The following TCEANC2 variants were observed in gnomAD, a reference collection of about 807,000 sequenced individuals.
TCEANC2 encodes the protein transcription elongation factor A N-terminal and central domain containing 2, also known as transcription elongation factor A N-terminal and central domain-containing protein 2.
Under a neutral mutation model 22.8 loss-of-function variants are expected in TCEANC2, and 20 were observed. The ratio of observed to expected loss-of-function variants is 0.88; its 90% CI spans 0.62 to 1.28. TCEANC2 has a LOEUF of 1.28. TCEANC2 is among the 50% of genes most tolerant of loss of function. TCEANC2 has a pLI of 0.00. For missense variants in TCEANC2, 251 were observed against 249.7 expected (o/e 1.01, Z -0.03); for synonymous variants, 84 against 95.5 (o/e 0.88, Z 0.70).
At chr1:54,095,609 G>C (rs1316632351) in intron 4 of TCEANC2, among the ~76,000 whole-genome samples, 2 of 152,180 alleles carry the variant, frequency 1.3e-5, no homozygotes, top group Admixed American at 1.3e-4. Flanking sequence ...CCCTTCCCTA[G>C]ACCTGCTCTG....
At chr1:54,065,171 A>G (rs555653614) in intron 2 of TCEANC2, among the ~76,000 whole-genome samples, 4 of 152,300 alleles carry the variant, frequency 2.6e-5, no homozygotes, top group African/African-American at 4.8e-5. Flanking sequence ...GAACTTGTCC[A>G]ATGAAAAAAT....
At chr1:54,078,255 C>T (rs1453580964) in intron 3 of TCEANC2, among the ~76,000 whole-genome samples, 1 of 151,948 alleles carries the variant, frequency 6.6e-6, no homozygotes, top group Non-Finnish European at 1.5e-5. Flanking sequence ...TGTCATAACC[C>T]TTTTAAATCC....
intron 3 of TCEANC2, among the ~76,000 whole-genome samples, chr1:54,072,681 C>T (rs1295592688): frequency 5.3e-5 from 8 of 152,120 alleles, no homozygotes; most frequent in African/African-American, 1.9e-4. Context: ...AGGCGTGAGC[C>T]ATCGGCCTTG....
At chr1:54,091,934 A>C (rs2100384408) in intron 4 of TCEANC2, among the ~76,000 whole-genome samples, 1 of 152,344 alleles carries the variant, frequency 6.6e-6, no homozygotes, top group Admixed American at 6.5e-5. Flanking sequence ...GTTATGAAAC[A>C]CTGGCTGGTT....
intron 4 of TCEANC2, among the ~76,000 whole-genome samples, chr1:54,092,514 G>A (rs1658465511): frequency 6.6e-6 from 1 of 152,206 alleles, no homozygotes; most frequent in Non-Finnish European, 1.5e-5. Flanking sequence ...AGGCAAGAAA[G>A]AAGGGTTACA....
At chr1:54,065,554 C>A (rs1657938948) in intron 2 of TCEANC2, among the ~76,000 whole-genome samples, 1 of 151,538 alleles carries the variant, frequency 6.6e-6, no homozygotes, top group Non-Finnish European at 1.5e-5. Context: ...CCCACATCTA[C>A]AAAAAAAATT....
In TCEANC2 at chr1:54,096,491, CCCTGG is replaced by C. The variant is rs748211558; in HGVS notation, c.*19_*23del. ...AAAAGTGACCTGAGGACGGTTCCAG[CCCTGG>C]GCCAGGCAGAGAGGAAAATGGGCCT... On this transcript the variant is annotated 3_prime_UTR_variant, in exon 5 of 5. Coordinates refer to ENST00000234827, the MANE Select transcript of TCEANC2 (RefSeq NM_153035.3). The surrounding 1 kb of genome is among the most constrained non-coding windows in gnomAD (Gnocchi z 4.9). The C allele has an allele frequency of 8.2e-6, 13 of 1,581,904 alleles. No individual in the cohort carries two copies. The highest frequency in any genetic ancestry group is 8.7e-6 in the Non-Finnish European group (10 of 1,154,430).
At chr1:54,078,674 A>G (rs764150346) in intron 3 of TCEANC2, among the ~76,000 whole-genome samples, 2 of 152,200 alleles carry the variant, frequency 1.3e-5, no homozygotes, top group Non-Finnish European at 1.5e-5. Context: ...TAGACTGGAA[A>G]TACTTATTTG....
chr1:54,057,460 G>A (rs1266049548), intron 2 of TCEANC2, among the ~76,000 whole-genome samples: 1 of 150,142 alleles, frequency 6.7e-6, no homozygotes, highest in African/African-American at 2.5e-5. Context: ...TGAAGTGCTG[G>A]GATTACAGGC....
rs375848646 is a variant in TCEANC2, at chr1:54,072,612, G to A, written c.244+3715G>A. On this transcript the variant is annotated intron_variant, in intron 3 of 4. Coordinates refer to ENST00000234827, the MANE Select transcript of TCEANC2 (RefSeq NM_153035.3). The stretch of plus-strand genomic sequence containing the variant: ...GGGTTTCACCATGTTGGTCAGGATG[G>A]TCTCGATCTCTTGACCTCGTGATCT... Among the ~76,000 whole-genome samples the A allele has an allele frequency of 2.6e-5, 4 of 152,014 alleles. No individual in the cohort carries two copies. In the South Asian group the frequency reaches 6.2e-4, roughly 24 times the overall value.
Position 54,078,760 on chromosome 1 carries a change from G to A in TCEANC2, c.245-9837G>A, listed in dbSNP as rs76722445. Among the ~76,000 whole-genome samples, 143 of 152,238 alleles carry A rather than the reference G, an allele frequency of 9.4e-4. 2 individuals are homozygous for A. In the East Asian group the frequency reaches 0.022, roughly 24 times the overall value. ...TCTCTAAGTAAAAGGAAAGATGAAGGGGCTGAAGAACTGAACCTGGGAGAA... is the reference window on the plus strand; with the variant it reads ...TCTCTAAGTAAAAGGAAAGATGAAGAGGCTGAAGAACTGAACCTGGGAGAA... On this transcript the variant is annotated intron_variant, in intron 3 of 4. Transcript: ENST00000234827.
chr1:54,055,023 A>G (rs1170847236), intron 2 of TCEANC2, among the ~76,000 whole-genome samples: 2 of 152,014 alleles, frequency 1.3e-5, no homozygotes, highest in Non-Finnish European at 2.9e-5. Context: ...TGTCACCCAG[A>G]CTGCAGTACA....
At chr1:54,057,732 T>A (rs1267130832) in intron 2 of TCEANC2, among the ~76,000 whole-genome samples, 1 of 152,184 alleles carries the variant, frequency 6.6e-6, no homozygotes, top group African/African-American at 2.4e-5. Context: ...AATTTCTCAT[T>A]ACCCATCAAT....
chr1:54,068,919 T>G, intron 3 of TCEANC2, 22 bp downstream of exon 3: 2 of 1,520,086 alleles, frequency 1.3e-6, no homozygotes, highest in Non-Finnish European at 1.8e-6. Flanking sequence ...CTTAATTTTA[T>G]TTTTTAAGAA....
chr1:54,082,255 A>C (rs1401307162), intron 3 of TCEANC2, among the ~76,000 whole-genome samples: 1 of 152,246 alleles, frequency 6.6e-6, no homozygotes, highest in African/African-American at 2.4e-5. Context: ...AATTCTCAGC[A>C]GTGGATAAGA....
chr1:54,069,151 G>A (rs1385949426), intron 3 of TCEANC2, among the ~76,000 whole-genome samples: 1 of 152,150 alleles, frequency 6.6e-6, no homozygotes, highest in Non-Finnish European at 1.5e-5. Context: ...ACAGATATAG[G>A]ATTACTCTTG....
Position 54,053,988 on chromosome 1 carries a change from T to A in TCEANC2, c.-43+230T>A, listed in dbSNP as rs563176366. On this transcript the variant is annotated intron_variant, in intron 1 of 4. Transcript: ENST00000234827. ...ATTACCAGGGCAACCCTTGGGATTA[T>A]GGCTGTGGTGAGGTGGTTGTTAAGA... The A allele has an allele frequency of 9.8e-5, 19 of 194,606 alleles. No individual in the cohort carries two copies. The Admixed American group carries it at 1.0e-3, about 11-fold the overall frequency. The allele number at this position is 194,606 out of a possible 1,614,324, so 12.1% of individuals were successfully genotyped here. A position where few individuals can be genotyped will look rare whatever the true frequency, so the allele number is the denominator to read the frequency against.
intron 4 of TCEANC2, among the ~76,000 whole-genome samples, chr1:54,093,531 C>G (rs1364579007): frequency 1.3e-5 from 2 of 152,128 alleles, no homozygotes; most frequent in Admixed American, 6.5e-5. Flanking sequence ...TGCTTGCCTT[C>G]TATTACCACC....
downstream of TCEANC2, among the ~76,000 whole-genome samples, chr1:54,110,614 A>C (rs1412163340): frequency 6.6e-6 from 1 of 152,050 alleles, no homozygotes; most frequent in Non-Finnish European, 1.5e-5. Context: ...AAACAAAACA[A>C]AACAAAACAA....
Sources: allele counts gnomAD v4.1 joint callset (sites outside exome capture counted in the v4.1 genomes callset), GRCh38; gene constraint gnomAD v4.1.1; non-coding constraint Gnocchi (gnomAD v3.1); transcripts MANE v1.5; gene names NCBI Gene and HGNC (gene_info 2026-07-23, HGNC 2026-07-21).